ESR1: variants seen among roughly 807,000 people sequenced by gnomAD.
ESR1 encodes estrogen receptor 1.
A neutral mutation model predicts 52.7 loss-of-function variants in ESR1; 12 were observed. That is an observed-to-expected ratio of 0.23 (90% CI 0.15 to 0.37). ESR1 has a LOEUF of 0.37. Ranked by LOEUF, ESR1 falls within the 10% of genes least tolerant of loss-of-function variation. The pLI is 1.00. For missense variants in ESR1, 584 were observed against 779.7 expected (o/e 0.75, Z 2.99); for synonymous variants, 305 against 316.8 (o/e 0.96, Z 0.39).
chr6:151,970,579 C>A (rs2038803882), intron 4 of ESR1, among the ~76,000 whole-genome samples: 1 of 152,150 alleles, frequency 6.6e-6, no homozygotes, highest in African/African-American at 2.4e-5. Flanking sequence ...TGAATCTCCT[C>A]TAATTTATGC....
intron 2 of ESR1, among the ~76,000 whole-genome samples, chr6:151,746,305 G>A (rs2128067463): frequency 6.6e-6 from 1 of 152,304 alleles, no homozygotes; most frequent in African/African-American, 2.4e-5. Flanking sequence ...CTTCTCGAAT[G>A]AGAACACTAA....
At chr6:151,969,259 T>G (rs959602152) in intron 4 of ESR1, among the ~76,000 whole-genome samples, 1 of 152,172 alleles carries the variant, frequency 6.6e-6, no homozygotes, top group Non-Finnish European at 1.5e-5. Context: ...TAAAAAATAT[T>G]TTATATTTAT....
At chr6:151,880,181 GT>G (rs71017515) in intron 2 of ESR1, among the ~76,000 whole-genome samples, 10,641 of 116,022 alleles carry the variant, frequency 0.092, 537 homozygotes, top group African/African-American at 0.22. Flanking sequence ...TTTTTGTTCT[GT>G]TTTTTTTTTT....
intron 5 of ESR1, among the ~76,000 whole-genome samples, chr6:152,031,250 C>T (rs1164286847): frequency 3.3e-5 from 5 of 152,034 alleles, no homozygotes; most frequent in South Asian, 2.1e-4. Context: ...AGAGCAAACA[C>T]GTTCAAAAGC....
At chr6:152,077,316 T>C (rs2129000468) in intron 6 of ESR1, among the ~76,000 whole-genome samples, 2 of 152,362 alleles carry the variant, frequency 1.3e-5, no homozygotes, top group East Asian at 3.9e-4. Context: ...CCTCCACTTA[T>C]ATTTCAGAAG....
intron 2 of ESR1, among the ~76,000 whole-genome samples, chr6:151,864,339 G>C (rs1789448913): frequency 6.6e-6 from 1 of 152,172 alleles, no homozygotes; most frequent in East Asian, 1.9e-4. Context: ...ATGAAAAAAT[G>C]CTCATCATCA....
intron 1 of ESR1, among the ~76,000 whole-genome samples, chr6:151,809,594 A>C (rs987974092): frequency 6.6e-6 from 1 of 152,174 alleles, no homozygotes; most frequent in African/African-American, 2.4e-5. Context: ...GTTTTTGTTC[A>C]GTATTCTGTT....
intron 5 of ESR1, among the ~76,000 whole-genome samples, chr6:152,020,410 T>C (rs995821412): frequency 6.6e-6 from 1 of 152,152 alleles, no homozygotes; most frequent in African/African-American, 2.4e-5. Context: ...TAGTACTGCT[T>C]GGATCTCTTC....
chr6:151,771,479 G>A lies in ESR1; in HGVS notation c.-70-36364G>A, dbSNP rs537136218. Among the ~76,000 whole-genome samples, 41 of 152,290 alleles carry A rather than the reference G, an allele frequency of 2.7e-4. 1 individual carries two copies. The South Asian group carries it at 7.7e-3, about 28-fold the overall frequency. ...TGGAATTTCTTGTGGCAGGCTGGCC[G>A]CCGGTGTTCATGTAGTTACACCTTT... is the stretch of plus-strand genomic sequence containing the variant. On this transcript the variant is annotated intron_variant, in intron 2 of 2. Coordinates refer to the ESR1 transcript ENST00000404742.
chr6:152,025,169 T>C (rs2044033422), intron 5 of ESR1, among the ~76,000 whole-genome samples: 1 of 151,292 alleles, frequency 6.6e-6, no homozygotes, highest in Non-Finnish European at 1.5e-5. Context: ...GAAAGTTTGG[T>C]GTCAAATTTG....
At chr6:151,903,263 C>G (rs954696052) in intron 3 of ESR1, among the ~76,000 whole-genome samples, 1 of 152,158 alleles carries the variant, frequency 6.6e-6, no homozygotes, top group Admixed American at 6.6e-5. Context: ...CATATTCTGT[C>G]TCTGTGTCTA....
chr6:151,757,014 T>C (rs897948690), intron 2 of ESR1, among the ~76,000 whole-genome samples: 1 of 151,762 alleles, frequency 6.6e-6, no homozygotes, highest in African/African-American at 2.4e-5. Flanking sequence ...AAATAAAAAT[T>C]AAAAAGAAAA....
chr6:151,830,209 C>A (rs1782173851), intron 1 of ESR1, among the ~76,000 whole-genome samples: 1 of 152,120 alleles, frequency 6.6e-6, no homozygotes, highest in Non-Finnish European at 1.5e-5. Context: ...AAGTCTTCTG[C>A]CTTGAGGTGT....
At chr6:151,865,938 T>A (rs1212322570) in intron 2 of ESR1, among the ~76,000 whole-genome samples, 2 of 152,218 alleles carry the variant, frequency 1.3e-5, no homozygotes, top group African/African-American at 2.4e-5. Flanking sequence ...TGCTTTCTGA[T>A]GTGGGGCGCA....
intron 2 of ESR1, among the ~76,000 whole-genome samples, chr6:151,722,715 T>C (rs1010296831): frequency 1.3e-5 from 2 of 152,232 alleles, no homozygotes; most frequent in Non-Finnish European, 2.9e-5. Context: ...GGGAGGCAGA[T>C]GATCAGAACT....
At chr6:151,728,173 C>A (rs1001268674) in intron 2 of ESR1, among the ~76,000 whole-genome samples, 1 of 152,126 alleles carries the variant, frequency 6.6e-6, no homozygotes, top group Non-Finnish European at 1.5e-5. Context: ...GGCAGGGGAC[C>A]TTAGCTCTGA....
intron 6 of ESR1, among the ~76,000 whole-genome samples, chr6:152,083,842 A>T (rs971851838): frequency 6.6e-6 from 1 of 152,334 alleles, no homozygotes; most frequent in African/African-American, 2.4e-5. Context: ...AATTAGTTCA[A>T]CCATTGTGGA....
In ESR1 at chr6:151,993,966, A is replaced by G. The variant is rs1048480872; in HGVS notation, c.1097-17690A>G. Among the ~76,000 whole-genome samples the G allele has an allele frequency of 2.0e-5, 3 of 152,194 alleles. No homozygotes were observed. In the South Asian group the frequency reaches 6.2e-4, roughly 31 times the overall value. The stretch of plus-strand genomic sequence containing the variant: ...CTGCAAAATAATGATAATGATAATA[A>G]TGAATACTTCTAGAATACAGTCTCT... On this transcript the variant is annotated intron_variant, in intron 4 of 7. Coordinates refer to ENST00000206249, the MANE Select transcript of ESR1 (RefSeq NM_000125.4).
At chr6:151,692,987 A>G (rs1779061662) in intron 1 of ESR1, among the ~76,000 whole-genome samples, 1 of 152,196 alleles carries the variant, frequency 6.6e-6, no homozygotes, top group African/African-American at 2.4e-5. Context: ...ATTCAGATCC[A>G]TGGAAAATGA....
Sources: gnomAD v4.1 joint callset for allele counts (sites outside exome capture counted in the v4.1 genomes callset) on GRCh38, gnomAD v4.1.1 for gene constraint, MANE v1.5 for transcripts, NCBI Gene and HGNC (gene_info 2026-07-23, HGNC 2026-07-21) for gene names.